The following CADM2 variants were observed in gnomAD, a reference collection of about 807,000 sequenced individuals.
CADM2 encodes the protein immunoglobulin superfamily member 4D.
CADM2 carries 12 observed loss-of-function variants against 49.8 expected under a neutral mutation model. The ratio of observed to expected loss-of-function variants is 0.24; its 90% CI spans 0.15 to 0.39. CADM2 has a LOEUF of 0.39. CADM2 is among the 10% of genes least tolerant of loss of function. CADM2 has a pLI of 1.00. For synonymous variants in CADM2, 214 were observed against 175.4 expected (o/e 1.22, Z -1.74); for missense variants, 378 against 492.3 (o/e 0.77, Z 2.20).
chr3:85,961,371 CAAA>C, intron 7 of CADM2, 95 bp from the exon 8 acceptor site: 1 of 1,064,070 alleles, frequency 9.4e-7, no homozygotes, highest in Non-Finnish European at 1.3e-6. Context: ...TGGTTGTGTA[CAAA>C]ATACATGTTA....
chr3:85,126,059 T>C (rs1173725295), intron 1 of CADM2, among the ~76,000 whole-genome samples: 1 of 152,164 alleles, frequency 6.6e-6, no homozygotes, highest in Non-Finnish European at 1.5e-5. Context: ...CTATGATCTA[T>C]AATTAAACAT....
At chr3:85,283,542 G>T (rs1051587957) in intron 1 of CADM2, among the ~76,000 whole-genome samples, 2 of 151,922 alleles carry the variant, frequency 1.3e-5, no homozygotes, top group Non-Finnish European at 2.9e-5. Flanking sequence ...AAATGGGCTG[G>T]TGTTCTGTAT....
intron 8 of CADM2, among the ~76,000 whole-genome samples, chr3:86,048,305 A>G (rs1336199118): frequency 4.6e-5 from 7 of 152,018 alleles, no homozygotes; most frequent in Non-Finnish European, 8.8e-5. Context: ...CAGAAAATAT[A>G]GCATTTTCTG....
intron 5 of CADM2, among the ~76,000 whole-genome samples, chr3:85,903,006 T>G (rs556302005): frequency 2.8e-4 from 43 of 152,144 alleles, no homozygotes; most frequent in African/African-American, 9.1e-4. Context: ...ATAAAACATA[T>G]TATATGTTTT....
chr3:85,766,117 A>G (rs2107922592), intron 2 of CADM2, among the ~76,000 whole-genome samples: 1 of 152,244 alleles, frequency 6.6e-6, no homozygotes, highest in African/African-American at 2.4e-5. Context: ...AAGTACATAG[A>G]AGAGAGTAAT....
At chr3:85,251,177 G>T (rs932174382) in intron 1 of CADM2, among the ~76,000 whole-genome samples, 21 of 151,532 alleles carry the variant, frequency 1.4e-4, no homozygotes, top group African/African-American at 5.1e-4. Flanking sequence ...CAAAATATAA[G>T]TGTCTGCTAC....
At chr3:85,830,468 A>C (rs1041946113) in intron 3 of CADM2, among the ~76,000 whole-genome samples, 27 of 151,978 alleles carry the variant, frequency 1.8e-4, no homozygotes, top group African/African-American at 6.5e-4. Flanking sequence ...CTACCATCCC[A>C]TAAGTTGCCT....
chr3:85,226,577 G>A (rs1002067436), intron 1 of CADM2, among the ~76,000 whole-genome samples: 36 of 150,712 alleles, frequency 2.4e-4, no homozygotes, highest in African/African-American at 6.8e-4. Flanking sequence ...CAGCTCCTGC[G>A]TTCATTGATA....
Position 85,868,921 on chromosome 3 carries a change from C to T in CADM2, c.239-14370C>T, listed in dbSNP as rs375488669. Among the ~76,000 whole-genome samples, 11 of 152,108 alleles carry T rather than the reference C, an allele frequency of 7.2e-5. 1 individual carries two copies. The East Asian group carries it at 9.6e-4, about 13-fold the overall frequency. On this transcript the variant is annotated intron_variant, in intron 3 of 9. Coordinates refer to ENST00000383699, the MANE Select transcript of CADM2 (RefSeq NM_001167675.2). ...TCTTCATCTCCATTTTTAATTGGAT[C>T]GTTTATTGTAATATTTCAGATTAAT...
intron 1 of CADM2, among the ~76,000 whole-genome samples, chr3:85,716,040 C>T (rs2067281590): frequency 6.6e-6 from 1 of 152,248 alleles, no homozygotes; most frequent in Middle Eastern, 3.4e-3. Context: ...ATTGCTGGGT[C>T]AAATGGTATT....
chr3:86,009,219 A>G (rs112882383), intron 8 of CADM2, among the ~76,000 whole-genome samples: 4,252 of 87,270 alleles, frequency 0.049, 122 homozygotes, highest in African/African-American at 0.14. Context: ...ATGTGTGTGT[A>G]TATATATATA....
intron 1 of CADM2, among the ~76,000 whole-genome samples, chr3:85,052,887 G>T (rs540941144): frequency 3.3e-5 from 5 of 151,888 alleles, no homozygotes; most frequent in Admixed American, 6.6e-5. Flanking sequence ...CATTATATGT[G>T]GTGACAAATT....
chr3:85,106,637 A>G (rs1280561039), intron 1 of CADM2, among the ~76,000 whole-genome samples: 3 of 152,168 alleles, frequency 2.0e-5, no homozygotes, highest in Non-Finnish European at 4.4e-5. Context: ...TCTAAACAGG[A>G]ACTAATAATT....
chr3:85,111,151 A>G (rs1465672754), intron 1 of CADM2, among the ~76,000 whole-genome samples: 4 of 151,910 alleles, frequency 2.6e-5, no homozygotes, highest in African/African-American at 9.7e-5. Context: ...CTTCTTGTTA[A>G]TATTTCAAAT....
chr3:85,985,735 A>G (rs570161545), intron 8 of CADM2, among the ~76,000 whole-genome samples: 2 of 152,130 alleles, frequency 1.3e-5, no homozygotes, highest in East Asian at 3.9e-4. Context: ...TTAATAAATA[A>G]CTACTTTTTC....
intron 1 of CADM2, among the ~76,000 whole-genome samples, chr3:85,156,868 G>C (rs929022309): frequency 6.6e-6 from 1 of 152,140 alleles, no homozygotes; most frequent in African/African-American, 2.4e-5. Context: ...GAAATAAAAG[G>C]TATTCATTTA....
At chr3:86,042,929 G>A (rs967416126) in intron 8 of CADM2, among the ~76,000 whole-genome samples, 3 of 152,032 alleles carry the variant, frequency 2.0e-5, no homozygotes, top group African/African-American at 4.8e-5. Context: ...TTCAACATAT[G>A]CAAATCAATA....
intron 1 of CADM2, among the ~76,000 whole-genome samples, chr3:85,539,156 T>G (rs921449751): frequency 6.9e-6 from 1 of 144,142 alleles, no homozygotes; most frequent in African/African-American, 2.5e-5. Flanking sequence ...AAAACAGCTG[T>G]ATGAGATTCT....
chr3:85,212,151 T>C (rs573130734), intron 1 of CADM2, among the ~76,000 whole-genome samples: 1 of 152,270 alleles, frequency 6.6e-6, no homozygotes, highest in Admixed American at 6.5e-5. Flanking sequence ...TCTCTTTTTG[T>C]TCAGTGTATG....
Sources: gnomAD v4.1 joint callset for allele counts (sites outside exome capture counted in the v4.1 genomes callset) on GRCh38, gnomAD v4.1.1 for gene constraint, MANE v1.5 for transcripts, NCBI Gene and HGNC (gene_info 2026-07-23, HGNC 2026-07-21) for gene names.